Variants in PNPLA7 observed in about 807,000 individuals in gnomAD.
PNPLA7 encodes patatin-like phospholipase domain-containing protein 7.
In PNPLA7, 153 loss-of-function variants were observed where a neutral mutation model predicts 161.7. The observed-to-expected ratio is 0.95, with a 90% CI of 0.83 to 1.08. PNPLA7 has a LOEUF of 1.08. Among genes scored for constraint, PNPLA7 ranks in the 50% least tolerant of loss-of-function variants. The probability of loss-of-function intolerance (pLI) is 0.00; values close to 1 mark genes in which losing one functional copy is unlikely to be tolerated. For missense variants in PNPLA7, 1,739 were observed against 1,856.6 expected (o/e 0.94, Z 1.16); for synonymous variants, 809 against 782.1 (o/e 1.03, Z -0.57).
Position 137,484,882 on chromosome 9 carries a change from T to C in PNPLA7, c.2198-146A>G, listed in dbSNP as rs186736470. On this transcript the variant is annotated intron_variant, in intron 20 of 34. Transcript: ENST00000406427. Reference sequence around the variant, plus strand: ...CCTCCCGCCTCCCCAGTCCTGAGGCTGCCTGGCCCTCCCGCCTCCCCAGTC... The same window carrying C: ...CCTCCCGCCTCCCCAGTCCTGAGGCCGCCTGGCCCTCCCGCCTCCCCAGTC... 1.9e-4 allele frequency: 186 copies of C among 974,598 alleles called. No individual in the cohort carries two copies. The African/African-American group carries it at 2.5e-3, about 13-fold the overall frequency. The allele number at this position is 974,598 out of a possible 1,614,324, so 60.4% of individuals were successfully genotyped here.
At chr9:137,480,586 C>T in intron 22 of PNPLA7, 106 bp from the exon 23 acceptor site, 1 of 1,263,076 alleles carries the variant, frequency 7.9e-7, no homozygotes, top group Non-Finnish European at 1.1e-6. Flanking sequence ...GCCGCTGCCC[C>T]TTCCCCTCCC....
At chr9:137,534,217 CCA>C (rs1289279719) in intron 8 of PNPLA7, among the ~76,000 whole-genome samples, 1 of 151,170 alleles carries the variant, frequency 6.6e-6, no homozygotes, top group Non-Finnish European at 1.5e-5. Context: ...GGGAGCACCC[CCA>C]GACTACTCCC....
Position 137,460,071 on chromosome 9 carries a change from A to G in PNPLA7, c.*322T>C. The G allele has an allele frequency of 3.3e-6, 1 of 302,182 alleles. No individual in the cohort carries two copies. The highest frequency in any genetic ancestry group is 6.5e-6 in the Non-Finnish European group (1 of 154,084). The allele number at this position is 302,182 out of a possible 1,614,324, so 18.7% of individuals were successfully genotyped here. A position where few individuals can be genotyped will look rare whatever the true frequency, so the allele number is the denominator to read the frequency against. On this transcript the variant is annotated 3_prime_UTR_variant, in exon 35 of 35. Coordinates refer to ENST00000406427, the MANE Select transcript of PNPLA7 (RefSeq NM_001098537.3). ...GTTCACAGGGCTTTGGGGGCCTCAC[A>G]GGGCAGCAGGTGGTTCACAGGGCTT... is the stretch of plus-strand genomic sequence containing the variant.
intron 8 of PNPLA7, among the ~76,000 whole-genome samples, chr9:137,535,090 T>C (rs1399674059): frequency 6.6e-6 from 1 of 152,288 alleles, no homozygotes. Context: ...TCTGGCCTTT[T>C]ACAGAGAAAG....
rs1209083084 is a variant in PNPLA7 at position 137,490,872 on chromosome 9, G to A, written c.2197+2141C>T. 6.6e-6 allele frequency among the ~76,000 whole-genome samples: 1 copy of A among 152,228 alleles called. No homozygotes were observed. The highest frequency in any genetic ancestry group is 1.5e-5 in the Non-Finnish European group (1 of 68,044). On this transcript the variant is annotated intron_variant, in intron 20 of 34. Transcript: ENST00000406427. The surrounding 1 kb of genome is among the most constrained non-coding windows in gnomAD (Gnocchi z 4.1). Reference sequence around the variant, plus strand: ...GTTTGACAAAATTACAGAGGTAATAGTTAAGACAACCACATCATAAAGGGG... The same window carrying A: ...GTTTGACAAAATTACAGAGGTAATAATTAAGACAACCACATCATAAAGGGG...
rs568569761 is a variant in PNPLA7 at position 137,524,707 on chromosome 9, C to T, written c.748-1850G>A. On this transcript the variant is annotated intron_variant, in intron 8 of 34. Coordinates refer to ENST00000406427, the MANE Select transcript of PNPLA7 (RefSeq NM_001098537.3). This position sits in a 1 kb window ranked among gnomAD's most constrained non-coding sequence, Gnocchi z 4.4. Reference sequence around the variant, plus strand: ...CGGTGAGTGAGTTTCCATGGATGCCCTGTGTTTTGCATTCTCACCAGCAGC... The same window carrying T: ...CGGTGAGTGAGTTTCCATGGATGCCTTGTGTTTTGCATTCTCACCAGCAGC... Among the ~76,000 whole-genome samples, 14 of 152,302 alleles carry T rather than the reference C, an allele frequency of 9.2e-5. No homozygotes were observed. In the East Asian group the frequency reaches 2.1e-3, roughly 23 times the overall value.
At chr9:137,542,529 T>C in intron 7 of PNPLA7, 113 bp downstream of exon 7, 1 of 1,241,404 alleles carries the variant, frequency 8.1e-7, no homozygotes, top group African/African-American at 1.5e-5. Flanking sequence ...CCAAAGAAAT[T>C]AAAATCAAAA....
intron 25 of PNPLA7, among the ~76,000 whole-genome samples, chr9:137,477,482 G>A (rs1368805673): frequency 6.6e-6 from 1 of 151,758 alleles, no homozygotes; most frequent in South Asian, 2.1e-4. Context: ...ACAGAGTCTC[G>A]CTCTGTCGCC....
chr9:137,525,469 G>A (rs1338807505), intron 8 of PNPLA7, among the ~76,000 whole-genome samples: 2 of 152,194 alleles, frequency 1.3e-5, no homozygotes, highest in African/African-American at 2.4e-5. Flanking sequence ...CGTCTCCAGC[G>A]ATACGTAAGG....
chr9:137,469,501 C>T (rs1376362104), intron 25 of PNPLA7, among the ~76,000 whole-genome samples: 5 of 152,100 alleles, frequency 3.3e-5, no homozygotes, highest in African/African-American at 7.2e-5. Context: ...TGTCAAAAAC[C>T]CAAGGAAAGA....
At position 137,468,052 on chromosome 9, in the gene PNPLA7, T is replaced by A. The variant is rs1351016959; in HGVS notation, c.2883-579A>T. Among the ~76,000 whole-genome samples, 1 of 151,402 alleles carries A rather than the reference T, an allele frequency of 6.6e-6. No homozygotes were observed. Among genetic ancestry groups the A allele is most frequent in the Non-Finnish European group, 1.5e-5 (1 of 67,796 alleles). On this transcript the variant is annotated intron_variant, in intron 25 of 34. Transcript: ENST00000406427. The surrounding 1 kb of genome is among the most constrained non-coding windows in gnomAD (Gnocchi z 4.0). ...AAACACGGCTGCCTCCAGCAGGGCG[T>A]CTGAGAGGTGGTGGGAAAACTGGAC...
At chr9:137,504,156 AGAG>A (rs1833781367) in intron 14 of PNPLA7, among the ~76,000 whole-genome samples, 1 of 149,834 alleles carries the variant, frequency 6.7e-6, no homozygotes, top group Non-Finnish European at 1.5e-5. Context: ...AGGAAGAAGA[AGAG>A]AAGAAGACGG....
rs1369330928 is a variant in PNPLA7 at position 137,526,363 on chromosome 9, C to T, written c.748-3506G>A. On this transcript the variant is annotated intron_variant, in intron 8 of 34. Coordinates refer to ENST00000406427, the MANE Select transcript of PNPLA7 (RefSeq NM_001098537.3). ...CGCGATCTCAGCTCACTACAAGCTCCGCCTCCCGGGTTCACGCCATTCTCC... is the reference window on the plus strand; with the variant it reads ...CGCGATCTCAGCTCACTACAAGCTCTGCCTCCCGGGTTCACGCCATTCTCC... Among the ~76,000 whole-genome samples the T allele has an allele frequency of 2.6e-5, 4 of 152,166 alleles. 1 individual carries two copies. The South Asian group carries it at 8.3e-4, about 32-fold the overall frequency.
intron 14 of PNPLA7, 47 bp from the exon 15 acceptor site, chr9:137,501,774 G>T: frequency 6.3e-7 from 1 of 1,580,816 alleles, no homozygotes; most frequent in Non-Finnish European, 8.6e-7. Context: ...AAGCATAAAT[G>T]AAGGTCCAGA....
rs762862181 is a variant in PNPLA7 at position 137,520,008 on chromosome 9, A to C, written c.993T>G (p.Ser331Arg). The change falls in exon 11 of 35, where the codon AGT becomes AGG. Residue 331 changes from serine (S) to arginine (R), a missense_variant. Physicochemically the swap from Ser to Arg is moderately radical, Grantham distance 110. Coordinates refer to ENST00000406427, the MANE Select transcript of PNPLA7 (RefSeq NM_001098537.3). The surrounding 1 kb of genome is among the most constrained non-coding windows in gnomAD (Gnocchi z 5.2). ...SQAIPLVSVA[S>R]VAAGKAKKQV... is the part of the protein sequence containing the mutation. ...GCTTCTTGGCCTTCCCGGCAGCCAC[A>C]CTGGCTACAGACACGAGAGGGATGG... is the stretch of plus-strand genomic sequence containing the variant. 1 of 1,612,606 alleles carries C rather than the reference A, an allele frequency of 6.2e-7. No homozygotes were observed. Among genetic ancestry groups the C allele is most frequent in the African/African-American group, 1.3e-5 (1 of 74,906 alleles).
intron 14 of PNPLA7, among the ~76,000 whole-genome samples, chr9:137,502,572 C>T (rs938509701): frequency 2.1e-5 from 3 of 142,314 alleles, no homozygotes; most frequent in Admixed American, 7.2e-5. Flanking sequence ...GGCCGCATCG[C>T]CCCAGGGCGC....
rs1831373459 is a variant in PNPLA7, at chr9:137,464,454, G to A, written c.3042C>T (p.Gly1014=). 2 of 1,613,124 alleles carry A rather than the reference G, an allele frequency of 1.2e-6. No individual in the cohort carries two copies. Among genetic ancestry groups the A allele is most frequent in the African/African-American group, 1.3e-5 (1 of 74,882 alleles). Residue 1014 remains glycine, a splice_region_variant and synonymous_variant, in exon 27 of 35, where the codon GGC becomes GGT. Coordinates refer to ENST00000406427, the MANE Select transcript of PNPLA7 (RefSeq NM_001098537.3). ...MRIRAKQWAE[G]MTSLMKAALD... ...GCGCGGCCTTCATCAAGGACGTCAT[G>A]CCCTGGGGCCACATGTGGAATTTAC...
intron 18 of PNPLA7, among the ~76,000 whole-genome samples, chr9:137,496,322 G>A (rs905044590): frequency 2.0e-5 from 3 of 151,304 alleles, no homozygotes; most frequent in African/African-American, 7.3e-5. Context: ...GGTCAGGCTT[G>A]TCTCGAACTC....
At position 137,524,219 on chromosome 9, in the gene PNPLA7, C is replaced by T. The variant is rs917422519; in HGVS notation, c.748-1362G>A. ...AGGCACAGAGTGTGGAGGCTTCCCT[C>T]AGCGGTGTGACACACTCGAGATTCC... On this transcript the variant is annotated intron_variant, in intron 8 of 34. Coordinates refer to ENST00000406427, the MANE Select transcript of PNPLA7 (RefSeq NM_001098537.3). This position sits in a 1 kb window ranked among gnomAD's most constrained non-coding sequence, Gnocchi z 4.4. Among the ~76,000 whole-genome samples the T allele has an allele frequency of 6.6e-6, 1 of 152,220 alleles. No homozygotes were observed. Among genetic ancestry groups the T allele is most frequent in the Non-Finnish European group, 1.5e-5 (1 of 68,040 alleles).
Sources: allele counts gnomAD v4.1 joint callset (sites outside exome capture counted in the v4.1 genomes callset), GRCh38; gene constraint gnomAD v4.1.1; non-coding constraint Gnocchi (gnomAD v3.1); transcripts MANE v1.5; gene names NCBI Gene and HGNC (gene_info 2026-07-23, HGNC 2026-07-21).